Variants in KIF26B observed in about 807,000 individuals in gnomAD.
KIF26B encodes kinesin-like protein KIF26B.
A neutral mutation model predicts 151.2 loss-of-function variants in KIF26B; 63 were observed. The ratio of observed to expected loss-of-function variants is 0.42; its 90% CI spans 0.34 to 0.51. The LOEUF (loss-of-function observed/expected upper bound fraction) is 0.51, where lower values mean the gene tolerates loss of function less well. Ranked by LOEUF, KIF26B falls within the 20% of genes least tolerant of loss-of-function variation. The pLI, the probability that KIF26B is intolerant of heterozygous loss-of-function variation, is 0.07. For synonymous variants in KIF26B, 1,357 were observed against 1,262.1 expected, an observed-to-expected ratio of 1.08 and a Z score of -1.59; for missense variants, 2,813 against 2,913.6, an observed-to-expected ratio of 0.97 and a Z score of 0.79.
At chr1:245,464,426 T>G (rs898517391) in intron 4 of KIF26B, among the ~76,000 whole-genome samples, 6 of 148,166 alleles carry the variant, frequency 4.0e-5, no homozygotes, top group Non-Finnish European at 7.4e-5. Flanking sequence ...TGTGTGTGGG[T>G]GTGTGCATGT....
intron 9 of KIF26B, among the ~76,000 whole-genome samples, chr1:245,627,665 C>T (rs1266416658): frequency 1.3e-5 from 2 of 151,518 alleles, no homozygotes; most frequent in Non-Finnish European, 2.9e-5. Context: ...ATGCGAAAAA[C>T]CCTTCAAAAT....
At chr1:245,343,880 G>T (rs1572014130) in intron 2 of KIF26B, among the ~76,000 whole-genome samples, 2 of 152,184 alleles carry the variant, frequency 1.3e-5, no homozygotes, top group African/African-American at 4.8e-5. Context: ...ACTGATGAAG[G>T]TAACAGTGTT....
intron 5 of KIF26B, among the ~76,000 whole-genome samples, chr1:245,573,943 T>A (rs1466126250): frequency 6.6e-6 from 1 of 152,196 alleles, no homozygotes; most frequent in Non-Finnish European, 1.5e-5. Flanking sequence ...CTACTCAGAA[T>A]GGTGTGCAGT....
At chr1:245,486,379 T>C (rs1660280780) in intron 4 of KIF26B, among the ~76,000 whole-genome samples, 1 of 119,364 alleles carries the variant, frequency 8.4e-6, no homozygotes, top group Admixed American at 9.7e-5. Flanking sequence ...AAGATAGAGT[T>C]GGCAATTTAA....
chr1:245,258,864 A>G (rs1285226553), intron 2 of KIF26B, among the ~76,000 whole-genome samples: 1 of 152,136 alleles, frequency 6.6e-6, no homozygotes, highest in African/African-American at 2.4e-5. Flanking sequence ...CAGGTTGCTT[A>G]ACCCATCTCC....
chr1:245,507,820 C>T (rs983831851), intron 4 of KIF26B, among the ~76,000 whole-genome samples: 10 of 152,124 alleles, frequency 6.6e-5, no homozygotes, highest in African/African-American at 2.4e-4. Flanking sequence ...TTGACAACAT[C>T]TGTTGTCAAA....
In KIF26B at chr1:245,687,949, A is replaced by G. The variant is rs1324968900; in HGVS notation, c.4966A>G (p.Ser1656Gly). 7.5e-6 allele frequency: 12 copies of G among 1,592,556 alleles called. No homozygotes were observed. The highest frequency in any genetic ancestry group is 3.5e-5 in the Admixed American group (2 of 57,358). ...CGCCAGCAGCAGCAGCAAGCTCTTC[A>G]GTGCCAAGCTGGAGCAGCTGGCCAG... ...KDASSSSKLF[S>G]AKLEQLASRS... The change falls in exon 12 of 15, where the codon AGT (serine) becomes GGT (glycine). Residue 1656 changes from serine (S) to glycine (G), a missense_variant. Ser to Gly is a moderately conservative substitution (Grantham distance 56, BLOSUM62 0). Transcript: ENST00000407071. This position sits in a 1 kb window ranked among gnomAD's most constrained non-coding sequence, Gnocchi z 4.9.
chr1:245,568,555 T>C (rs531025057), intron 5 of KIF26B, among the ~76,000 whole-genome samples: 1 of 152,124 alleles, frequency 6.6e-6, no homozygotes, highest in Non-Finnish European at 1.5e-5. Flanking sequence ...AGACATTACA[T>C]AGTTTGAGGT....
At position 245,591,941 on chromosome 1, in the gene KIF26B, C is replaced by G. The variant is rs565134747; in HGVS notation, c.1351-10636C>G. On this transcript the variant is annotated intron_variant, in intron 5 of 14. Coordinates refer to ENST00000407071, the MANE Select transcript of KIF26B (RefSeq NM_018012.4). ...TGCCTCACGGGGAAGGGCTTTCTTC[C>G]TTGGTTTCAACTCCCTCCCTCCAGC... Among the ~76,000 whole-genome samples, 4 of 152,318 alleles carry G rather than the reference C, an allele frequency of 2.6e-5. No homozygotes were observed. The South Asian group carries it at 8.3e-4, about 32-fold the overall frequency.
chr1:245,421,287 A>AGGTTCAG (rs1658482044), intron 4 of KIF26B, among the ~76,000 whole-genome samples: 1 of 152,210 alleles, frequency 6.6e-6, no homozygotes, highest in African/African-American at 2.4e-5. Context: ...ATGGCATGGC[A>AGGTTCAG]GGTTCAGTTT....
chr1:245,447,269 G>A lies in KIF26B; in HGVS notation c.1166+27524G>A, dbSNP rs187627596. 5.2e-4 allele frequency among the ~76,000 whole-genome samples: 79 copies of A among 152,302 alleles called. No individual in the cohort carries two copies. In the East Asian group the frequency reaches 0.013, roughly 26 times the overall value. ...AGACTGATGGTGCTAAGGACTCATG[G>A]GTAATGGTCTAGTCTTAATGTTCTA... On this transcript the variant is annotated intron_variant, in intron 4 of 14. Coordinates refer to ENST00000407071, the MANE Select transcript of KIF26B (RefSeq NM_018012.4).
At chr1:245,162,270 T>G (rs1210059308) in intron 2 of KIF26B, among the ~76,000 whole-genome samples, 1 of 152,242 alleles carries the variant, frequency 6.6e-6, no homozygotes, top group African/African-American at 2.4e-5. Flanking sequence ...TCAGCATCCT[T>G]TCTTTCCTGT....
intron 9 of KIF26B, among the ~76,000 whole-genome samples, chr1:245,615,563 A>T (rs1437632549): frequency 6.6e-6 from 1 of 152,224 alleles, no homozygotes; most frequent in Non-Finnish European, 1.5e-5. Flanking sequence ...CACCCTTATT[A>T]AATATTTAAT....
At position 245,540,445 on chromosome 1, in the gene KIF26B, G is replaced by A. The variant is rs1661588192; in HGVS notation, c.1167-322G>A. 3.6e-6 allele frequency: 2 copies of A among 548,814 alleles called. No individual in the cohort carries two copies. Among genetic ancestry groups the A allele is most frequent in the Non-Finnish European group, 6.9e-6 (2 of 291,502 alleles). 34.0% of individuals were successfully genotyped at this position (548,814 alleles called of 1,614,324 possible). A position where few individuals can be genotyped will look rare whatever the true frequency, so the allele number is the denominator to read the frequency against. ...AGTTGTGGAGTGATGAACTTAATGG[G>A]TGCCCTTATCCCCAAAGATGCCCAG... is the stretch of plus-strand genomic sequence containing the variant. On this transcript the variant is annotated intron_variant, in intron 4 of 14. Transcript: ENST00000407071. The surrounding 1 kb of genome is among the most constrained non-coding windows in gnomAD (Gnocchi z 4.6).
intron 3 of KIF26B, among the ~76,000 whole-genome samples, chr1:245,381,937 C>T (rs912161830): frequency 3.3e-5 from 5 of 152,188 alleles, no homozygotes. Flanking sequence ...TAGTATGCTG[C>T]TGTATGTATA....
At chr1:245,253,574 T>C in intron 2 of KIF26B, among the ~76,000 whole-genome samples, 1 of 152,042 alleles carries the variant, frequency 6.6e-6, no homozygotes, top group South Asian at 2.1e-4. Flanking sequence ...GTTTCCTCTT[T>C]TTCTACTCTC....
Position 245,515,040 on chromosome 1 carries a change from A to G in KIF26B, c.1167-25727A>G, listed in dbSNP as rs1660919590. Reference sequence around the variant, plus strand: ...CAGGGAGGCAATGTCACAGAATGGAAAGCGTGCTCGAGTAGAAGTCAAGAC... The same window carrying G: ...CAGGGAGGCAATGTCACAGAATGGAGAGCGTGCTCGAGTAGAAGTCAAGAC... On this transcript the variant is annotated intron_variant, in intron 4 of 14. Transcript: ENST00000407071. Among the ~76,000 whole-genome samples, 2 of 152,174 alleles carry G rather than the reference A, an allele frequency of 1.3e-5. 1 individual carries two copies. Among genetic ancestry groups the G allele is most frequent in the South Asian group, 4.2e-4 (2 of 4,816 alleles).
At chr1:245,660,360 GA>G (rs1415902157) in intron 10 of KIF26B, among the ~76,000 whole-genome samples, 1 of 26,876 alleles carries the variant, frequency 3.7e-5, no homozygotes, top group Non-Finnish European at 7.5e-5. Context: ...GGGTAGGGGA[GA>G]CAAAGGTCTT....
chr1:245,646,534 G>C (rs1366779453), intron 10 of KIF26B, among the ~76,000 whole-genome samples: 7 of 152,170 alleles, frequency 4.6e-5, no homozygotes, highest in Admixed American at 3.3e-4. Flanking sequence ...AATTATCTCA[G>C]TTGAGGTCTC....
Sources: gnomAD v4.1 joint callset for allele counts (sites outside exome capture counted in the v4.1 genomes callset) on GRCh38, gnomAD v4.1.1 for gene constraint, Gnocchi (gnomAD v3.1) non-coding constraint, MANE v1.5 for transcripts, NCBI Gene and HGNC (gene_info 2026-07-23, HGNC 2026-07-21) for gene names.